Variants in RAPGEF6 observed in about 807,000 individuals in gnomAD.
RAPGEF6 encodes Rap guanine nucleotide exchange factor 6, also known as PDZ domain containing guanine nucleotide exchange factor (GEF) 2.
Under a neutral mutation model 171.4 loss-of-function variants are expected in RAPGEF6, and 56 were observed. The observed-to-expected ratio is 0.33, with a 90% CI of 0.26 to 0.41. The LOEUF (loss-of-function observed/expected upper bound fraction) is 0.41. Ranked by LOEUF, RAPGEF6 falls within the 10% of genes least tolerant of loss-of-function variation. The probability of loss-of-function intolerance (pLI) is 1.00; values close to 1 mark genes in which losing one functional copy is unlikely to be tolerated. For synonymous variants in RAPGEF6, 692 were observed against 650.1 expected (o/e 1.06, Z -0.98); for missense variants, 1,674 against 1,921.4 (o/e 0.87, Z 2.41).
At chr5:131,573,279 T>C (rs1762414335) in intron 4 of RAPGEF6, among the ~76,000 whole-genome samples, 1 of 152,148 alleles carries the variant, frequency 6.6e-6, no homozygotes, top group Admixed American at 6.5e-5. Context: ...CTCCCCTACC[T>C]GCCCAACAAT....
At chr5:131,631,617 C>T (rs1766311197) in intron 1 of RAPGEF6, among the ~76,000 whole-genome samples, 1 of 152,188 alleles carries the variant, frequency 6.6e-6, no homozygotes, top group South Asian at 2.1e-4. Flanking sequence ...CCCTTAAACA[C>T]CTACAGTCTA....
intron 4 of RAPGEF6, among the ~76,000 whole-genome samples, chr5:131,580,663 G>A (rs745660250): frequency 2.4e-4 from 36 of 152,172 alleles, no homozygotes; most frequent in Admixed American, 5.2e-4. Flanking sequence ...CTCCCTCTAC[G>A]CAGTTGCAAC....
intron 6 of RAPGEF6, among the ~76,000 whole-genome samples, chr5:131,538,445 TTGTG>T (rs902259786): frequency 1.3e-5 from 2 of 152,186 alleles, no homozygotes; most frequent in Non-Finnish European, 2.9e-5. Flanking sequence ...TGGTAAGTAT[TTGTG>T]TATCTAAACA....
At chr5:131,621,279 T>C (rs1765576580) in intron 1 of RAPGEF6, among the ~76,000 whole-genome samples, 1 of 152,128 alleles carries the variant, frequency 6.6e-6, no homozygotes, top group South Asian at 2.1e-4. Context: ...CATCCTCTGG[T>C]AGGCTTTATT....
chr5:131,510,209 A>C, intron 8 of RAPGEF6, 105 bp downstream of exon 8: 1 of 1,212,408 alleles, frequency 8.2e-7, no homozygotes, highest in South Asian at 1.6e-5. Context: ...ATAATGGCTT[A>C]ACACAACACA....
At chr5:131,585,289 T>TATAC (rs3058508) in intron 4 of RAPGEF6, among the ~76,000 whole-genome samples, 59,072 of 134,686 alleles carry the variant, frequency 0.44, 13,271 homozygotes, top group East Asian at 0.51. Context: ...AAAAAAAAAC[T>TATAC]ATACATACAT....
intron 12 of RAPGEF6, among the ~76,000 whole-genome samples, chr5:131,496,624 G>C (rs1756658046): frequency 6.6e-6 from 1 of 152,124 alleles, no homozygotes; most frequent in Admixed American, 6.5e-5. Flanking sequence ...AGCCTTTTGT[G>C]ATTGGCTTCT....
intron 4 of RAPGEF6, among the ~76,000 whole-genome samples, chr5:131,583,994 T>C (rs1763108920): frequency 6.6e-6 from 1 of 152,100 alleles, no homozygotes; most frequent in African/African-American, 2.4e-5. Flanking sequence ...CTAATCTACA[T>C]TGATGAAAAA....
At chr5:131,470,619 A>C (rs973978003) in intron 17 of RAPGEF6, among the ~76,000 whole-genome samples, 5 of 152,226 alleles carry the variant, frequency 3.3e-5, no homozygotes, top group African/African-American at 1.2e-4. Context: ...TGGAAGTGTG[A>C]AGACACTTTA....
At position 131,446,473 on chromosome 5, in the gene RAPGEF6, T is replaced by C. The variant is rs1016382127; in HGVS notation, c.3421+10A>G. The stretch of plus-strand genomic sequence containing the variant: ...TCTTTAGCGTCACATAAATGAAAAC[T>C]TGTACTCACAGGTACCATATGCAGG... On this transcript the variant is annotated intron_variant, in intron 22 of 27. Coordinates refer to ENST00000509018, the MANE Select transcript of RAPGEF6 (RefSeq NM_016340.6). The C allele has an allele frequency of 2.5e-6, 4 of 1,604,834 alleles. No individual in the cohort carries two copies. The highest frequency in any genetic ancestry group is 3.3e-4 in the Middle Eastern group (2 of 5,972).
At chr5:131,452,967 T>C (rs553516541) in intron 21 of RAPGEF6, 87 bp downstream of exon 21, 2 of 1,475,522 alleles carry the variant, frequency 1.4e-6, no homozygotes, top group African/African-American at 1.4e-5. Flanking sequence ...CATGGTAGAA[T>C]AAATATGATC....
intron 1 of RAPGEF6, among the ~76,000 whole-genome samples, chr5:131,613,289 A>C (rs553871130): frequency 1.3e-5 from 2 of 152,306 alleles, no homozygotes; most frequent in Admixed American, 6.5e-5. Context: ...GGGCGCCTAC[A>C]GTCCCAGCTT....
chr5:131,433,626 T>G lies in RAPGEF6; in HGVS notation c.3778A>C (p.Asn1260His), dbSNP rs746790666. The change falls in exon 25 of 28, where the codon AAC becomes CAC. Residue 1260 changes from asparagine to histidine, a missense_variant. Asn to His is a moderately conservative substitution (Grantham distance 68, BLOSUM62 1). This residue lies in a region of RAPGEF6 where 552 missense variants were observed against 574.2 expected (regional missense o/e 0.96). Coordinates refer to ENST00000509018, the MANE Select transcript of RAPGEF6 (RefSeq NM_016340.6). ...TCACTATGGCTGGAGTCAGACAAGT[T>G]GTCAGATTTAGCTGATGGAATAAGT... ...YTLIPSAKSD[N>H]LSDSSHSEIS... 2.6e-5 allele frequency: 42 copies of G among 1,612,954 alleles called. No individual in the cohort carries two copies. The highest frequency in any genetic ancestry group is 3.6e-5 in the Non-Finnish European group (42 of 1,179,030).
At chr5:131,572,343 G>A (rs546392786) in intron 4 of RAPGEF6, among the ~76,000 whole-genome samples, 39 of 152,080 alleles carry the variant, frequency 2.6e-4, no homozygotes, top group African/African-American at 8.0e-4. Flanking sequence ...CGGTTTTTTC[G>A]CTCTCTACCT....
chr5:131,573,600 G>A lies in RAPGEF6; in HGVS notation c.282-11553C>T, dbSNP rs146455576. 2.0e-5 allele frequency among the ~76,000 whole-genome samples: 3 copies of A among 152,138 alleles called. No homozygotes were observed. The East Asian group carries it at 5.8e-4, about 29-fold the overall frequency. On this transcript the variant is annotated intron_variant, in intron 4 of 27. Coordinates refer to ENST00000509018, the MANE Select transcript of RAPGEF6 (RefSeq NM_016340.6). ...CTTCATGAGCCAGGCTTCCAAGAGG[G>A]CACCAGGGCAGTTCCCCGAGAGGAT...
At chr5:131,464,904 C>T (rs1754224451) in intron 17 of RAPGEF6, among the ~76,000 whole-genome samples, 1 of 152,162 alleles carries the variant, frequency 6.6e-6, no homozygotes, top group South Asian at 2.1e-4. Context: ...AATTTGGTCA[C>T]ATCCTTACAA....
chr5:131,540,510 T>C (rs960222031), intron 6 of RAPGEF6, among the ~76,000 whole-genome samples: 3 of 152,184 alleles, frequency 2.0e-5, no homozygotes, highest in Non-Finnish European at 2.9e-5. Context: ...TATGGTGAAC[T>C]ATGATCGCAT....
intron 17 of RAPGEF6, among the ~76,000 whole-genome samples, chr5:131,468,715 C>G (rs1357630159): frequency 1.3e-5 from 2 of 152,124 alleles, no homozygotes; most frequent in Non-Finnish European, 2.9e-5. Context: ...GATTAAGCCT[C>G]CACTCTCAGG....
At chr5:131,616,560 A>AT (rs1361338424) in intron 1 of RAPGEF6, among the ~76,000 whole-genome samples, 1 of 152,176 alleles carries the variant, frequency 6.6e-6, no homozygotes, top group African/African-American at 2.4e-5. Context: ...TGCTTAAAAA[A>AT]TTTTTGCATT....
Sources: gnomAD v4.1 joint callset for allele counts (sites outside exome capture counted in the v4.1 genomes callset) on GRCh38, gnomAD v4.1.1 for gene constraint, gnomAD v4.1.1 regional missense constraint, MANE v1.5 for transcripts, NCBI Gene and HGNC (gene_info 2026-07-23, HGNC 2026-07-21) for gene names.